WDR86: variants seen among roughly 807,000 people sequenced by gnomAD.
WDR86 encodes WD repeat domain 86.
Under a neutral mutation model 36.5 loss-of-function variants are expected in WDR86, and 30 were observed. The ratio of observed to expected loss-of-function variants is 0.82; its 90% CI spans 0.61 to 1.11. The LOEUF (loss-of-function observed/expected upper bound fraction) is 1.11. WDR86 is among the 50% of genes most tolerant of loss of function. The pLI, the probability that WDR86 is intolerant of heterozygous loss-of-function variation, is 0.00. For synonymous variants in WDR86, 255 were observed against 252.9 expected, an observed-to-expected ratio of 1.01 and a Z score of -0.08; for missense variants, 545 against 561.2, an observed-to-expected ratio of 0.97 and a Z score of 0.29.
chr7:151,398,237 T>C (rs1157208422), intron 2 of WDR86, among the ~76,000 whole-genome samples: 1 of 152,000 alleles, frequency 6.6e-6, no homozygotes, highest in Non-Finnish European at 1.5e-5. Context: ...TGTGTGTGCA[T>C]GTGTGTGTTG....
chr7:151,368,989 T>G, the WDR86 span: 1 of 1,255,030 alleles, frequency 8.0e-7, no homozygotes, highest in Non-Finnish European at 1.1e-6. Flanking sequence ...TACTCCAGAT[T>G]GGGAAGGAAG....
intron 1 of WDR86, among the ~76,000 whole-genome samples, chr7:151,402,502 A>T (rs1320057770): frequency 6.6e-6 from 1 of 152,174 alleles, no homozygotes; most frequent in Non-Finnish European, 1.5e-5. Context: ...TCGGCACCCC[A>T]CTGGCAGCGG....
chr7:151,372,311 A>G (rs953054407), downstream of WDR86, among the ~76,000 whole-genome samples: 3 of 152,240 alleles, frequency 2.0e-5, no homozygotes, highest in Non-Finnish European at 4.4e-5. Context: ...ATTTCAGAAA[A>G]TAATGTTCTC....
rs1799778744 is a variant in WDR86 at position 151,395,818 on chromosome 7, C to A, written c.684G>T (p.Leu228=). ...AGCCCCGGTGCTCCCGGAACACCCG[C>A]AGCTGCTCCCCACTCAGGATGTCCC... ...RAWDILSGEQ[L]RVFREHRGSV... Residue 228 remains leucine (L), a synonymous_variant, in exon 3 of 6, where the codon CTG becomes CTT. Transcript: ENST00000334493. 6.4e-7 allele frequency: 1 copy of A among 1,574,698 alleles called. No homozygotes were observed. The highest frequency in any genetic ancestry group is 8.6e-7 in the Non-Finnish European group (1 of 1,162,214).
rs767031896 is a variant in WDR86, at chr7:151,401,373, CCT to C, written c.164-1134_164-1133del. On this transcript the variant is annotated intron_variant, in intron 1 of 5. Coordinates refer to ENST00000334493, the MANE Select transcript of WDR86 (RefSeq NM_198285.3). This position sits in a 1 kb window ranked among gnomAD's most constrained non-coding sequence, Gnocchi z 4.3. ...AGGGGCACTCGCCTGCACCCTAAAC[CCT>C]CTGTTTCCTCAGCTTCCACTCTTGC... 4.6e-5 allele frequency among the ~76,000 whole-genome samples: 7 copies of C among 152,188 alleles called. No individual in the cohort carries two copies. Among genetic ancestry groups the C allele is most frequent in the Non-Finnish European group, 7.4e-5 (5 of 68,024 alleles).
At chr7:151,394,652 TGGTCAC>T (rs1262649767) in intron 3 of WDR86, among the ~76,000 whole-genome samples, 1 of 152,222 alleles carries the variant, frequency 6.6e-6, no homozygotes, top group Non-Finnish European at 1.5e-5. Context: ...GCAGCAGGGA[TGGTCAC>T]GGTCGCGGCG....
downstream of WDR86, among the ~76,000 whole-genome samples, chr7:151,379,259 A>G (rs1286838717): frequency 6.6e-6 from 1 of 152,122 alleles, no homozygotes; most frequent in Admixed American, 6.5e-5. Flanking sequence ...GGGAGGTTGG[A>G]TGCCATTAGA....
At chr7:151,387,130 C>T (rs954080223) in intron 3 of WDR86, among the ~76,000 whole-genome samples, 3 of 152,220 alleles carry the variant, frequency 2.0e-5, no homozygotes, top group East Asian at 1.9e-4. Context: ...GCCTCTCAGG[C>T]TCTAATAAGA....
chr7:151,395,800 G>GTGCTCCCGGAACACCCGCAGC lies in WDR86; in HGVS notation c.681_701dup (p.Gln227_Glu233dup). 6.4e-7 allele frequency: 1 copy of GTGCTCCCGGAACACCCGCAGC among 1,565,310 alleles called. No homozygotes were observed. The highest frequency in any genetic ancestry group is 8.6e-7 in the Non-Finnish European group (1 of 1,157,112). On this transcript the variant is annotated inframe_insertion, in exon 3 of 6. Coordinates refer to ENST00000334493, the MANE Select transcript of WDR86 (RefSeq NM_198285.3). ...CCTCCAGACAGATGACGGAGCCCCG[G>GTGCTCCCGGAACACCCGCAGC]TGCTCCCGGAACACCCGCAGCTGCT...
rs767425678 is a variant in WDR86, at chr7:151,381,177, G to C, written c.*405C>G. On this transcript the variant is annotated 3_prime_UTR_variant, in exon 6 of 6. Coordinates refer to ENST00000334493, the MANE Select transcript of WDR86 (RefSeq NM_198285.3). The surrounding 1 kb of genome is among the most constrained non-coding windows in gnomAD (Gnocchi z 4.8). ...TCCCCCCAAGGCCCTCGAGACGGAC[G>C]ATTTGCCAAAATAACCAGGTTCAGT... is the stretch of plus-strand genomic sequence containing the variant. 6.4e-6 allele frequency: 8 copies of C among 1,250,392 alleles called. No individual in the cohort carries two copies. The highest frequency in any genetic ancestry group is 1.5e-5 in the African/African-American group (1 of 64,638). The allele number at this position is 1,250,392 out of a possible 1,614,324, so 77.5% of individuals were successfully genotyped here. A position where few individuals can be genotyped will look rare whatever the true frequency, so the allele number is the denominator to read the frequency against.
chr7:151,381,250 G>T lies in WDR86; in HGVS notation c.*332C>A. 1 of 1,299,570 alleles carries T rather than the reference G, an allele frequency of 7.7e-7. No individual in the cohort carries two copies. The highest frequency in any genetic ancestry group is 9.7e-7 in the Non-Finnish European group (1 of 1,028,300). 80.5% of individuals were successfully genotyped at this position (1,299,570 alleles called of 1,614,324 possible). A position where few individuals can be genotyped will look rare whatever the true frequency, so the allele number is the denominator to read the frequency against. Reference sequence around the variant, plus strand: ...CTCTCAGCAGGAAAGGCCCAGTTTCGTGGGGCTGGGGGAGCTGGGGCAGTC... The same window carrying T: ...CTCTCAGCAGGAAAGGCCCAGTTTCTTGGGGCTGGGGGAGCTGGGGCAGTC... On this transcript the variant is annotated 3_prime_UTR_variant, in exon 6 of 6. Coordinates refer to ENST00000334493, the MANE Select transcript of WDR86 (RefSeq NM_198285.3). This position sits in a 1 kb window ranked among gnomAD's most constrained non-coding sequence, Gnocchi z 4.8.
chr7:151,398,499 C>T (rs573521430), intron 2 of WDR86, among the ~76,000 whole-genome samples: 6 of 109,098 alleles, frequency 5.5e-5, no homozygotes, highest in Non-Finnish European at 7.7e-5. Context: ...TATATGTGTG[C>T]GCACGTGTGT....
In WDR86 at chr7:151,405,268, T is replaced by C. The variant is rs993330414; in HGVS notation, c.163+4159A>G. Among the ~76,000 whole-genome samples, 1 of 152,114 alleles carries C rather than the reference T, an allele frequency of 6.6e-6. No homozygotes were observed. Among genetic ancestry groups the C allele is most frequent in the African/African-American group, 2.4e-5 (1 of 41,416 alleles). ...CAGCTGGAGACTCTAGGTCAGGATA[T>C]GTTCCCCTCCCCCAGCTCCGACCCT... On this transcript the variant is annotated intron_variant, in intron 1 of 5. Coordinates refer to ENST00000334493, the MANE Select transcript of WDR86 (RefSeq NM_198285.3). This position sits in a 1 kb window ranked among gnomAD's most constrained non-coding sequence, Gnocchi z 4.7.
chr7:151,389,443 C>T (rs564720603), intron 3 of WDR86, among the ~76,000 whole-genome samples: 32 of 152,324 alleles, frequency 2.1e-4, no homozygotes, highest in Admixed American at 6.5e-4. Context: ...CATCGCCGGG[C>T]GGCTCACTCA....
downstream of WDR86, chr7:151,381,020 A>T: frequency 1.9e-6 from 1 of 535,996 alleles, no homozygotes; most frequent in Non-Finnish European, 2.5e-6. This position sits in a 1 kb window ranked among gnomAD's most constrained non-coding sequence, Gnocchi z 4.8. Flanking sequence ...GCCGGTTGTG[A>T]GAGGCAGAGG....
chr7:151,410,243 G>C (rs1185258340), upstream of WDR86, among the ~76,000 whole-genome samples: 1 of 152,218 alleles, frequency 6.6e-6, no homozygotes, highest in Non-Finnish European at 1.5e-5. Flanking sequence ...CCGCCGCCTG[G>C]GTCCCCTGAG....
At chr7:151,370,424 G>A in the WDR86 span, among the ~76,000 whole-genome samples, 1 of 152,206 alleles carries the variant, frequency 6.6e-6, no homozygotes, top group South Asian at 2.1e-4. Context: ...GTTTTACATG[G>A]TCTAATTCAG....
chr7:151,397,191 G>A (rs556590922), intron 2 of WDR86, among the ~76,000 whole-genome samples: 1 of 152,302 alleles, frequency 6.6e-6, no homozygotes, highest in South Asian at 2.1e-4. Context: ...TCAGGACCAC[G>A]GCCGGCCCTG....
rs114748994 is a variant in WDR86, at chr7:151,375,909, G to A, written n.1381C>T. On this transcript the variant is annotated non_coding_transcript_exon_variant, in exon 2 of 2. Transcript: ENST00000463000. ...GATTCCAATCCTGAAACCGACAACC[G>A]TCAAGAAAGTCCTTCCCAGGAAAAC... 3.0e-4 allele frequency: 489 copies of A among 1,612,752 alleles called. 1 individual carries two copies. The African/African-American group carries it at 5.2e-3, about 17-fold the overall frequency.
Sources: allele counts gnomAD v4.1 joint callset (sites outside exome capture counted in the v4.1 genomes callset), GRCh38; gene constraint gnomAD v4.1.1; non-coding constraint Gnocchi (gnomAD v3.1); transcripts MANE v1.5; gene names NCBI Gene and HGNC (gene_info 2026-07-23, HGNC 2026-07-21).